Variants in DPYD observed in about 807,000 individuals in gnomAD.
DPYD encodes the protein dihydropyrimidine dehydrogenase [NADP(+)].
DPYD carries 109 observed loss-of-function variants against 116.2 expected under a neutral mutation model. The observed-to-expected ratio is 0.94, with a 90% CI of 0.80 to 1.10. The LOEUF (loss-of-function observed/expected upper bound fraction) is 1.10, where lower values mean the gene tolerates loss of function less well. Among genes scored for constraint, DPYD ranks in the 50% least tolerant of loss-of-function variants. The pLI is 0.00. For missense variants in DPYD, 1,302 were observed against 1,254.5 expected (o/e 1.04, Z -0.57); for synonymous variants, 440 against 432.0 (o/e 1.02, Z -0.23).
chr1:97,565,988 G>T (rs997761497), intron 11 of DPYD, among the ~76,000 whole-genome samples: 1 of 152,124 alleles, frequency 6.6e-6, no homozygotes, highest in Non-Finnish European at 1.5e-5. Flanking sequence ...TAAAATGACT[G>T]TAAAATGACT....
At chr1:97,801,002 G>C (rs1163967715) in intron 3 of DPYD, among the ~76,000 whole-genome samples, 2 of 151,798 alleles carry the variant, frequency 1.3e-5, no homozygotes, top group Non-Finnish European at 2.9e-5. Context: ...TCCTTTCTTT[G>C]CATTCATCCA....
intron 20 of DPYD, among the ~76,000 whole-genome samples, chr1:97,152,980 C>T (rs1471326821): frequency 1.3e-5 from 2 of 152,072 alleles, no homozygotes; most frequent in Non-Finnish European, 1.5e-5. Flanking sequence ...CACTTAAAAA[C>T]ACTAGAGGAG....
chr1:97,681,522 C>T lies in DPYD; in HGVS notation c.763-2340G>A, dbSNP rs532628901. ...GGGACAACCAAGGTGAGATTAATAA[C>T]GAATATTCAGAACTCTGGAATGTAT... On this transcript the variant is annotated intron_variant, in intron 7 of 22. Coordinates refer to ENST00000370192, the MANE Select transcript of DPYD (RefSeq NM_000110.4). Among the ~76,000 whole-genome samples, 7 of 152,026 alleles carry T rather than the reference C, an allele frequency of 4.6e-5. No individual in the cohort carries two copies. The South Asian group carries it at 1.0e-3, about 23-fold the overall frequency.
At position 97,692,936 on chromosome 1, in the gene DPYD, A is replaced by C. The variant is rs185088873; in HGVS notation, c.681-1138T>G. ...CAGCCTTTTCATTGTTTGATGACTT[A>C]AGAACTTGATTATGCAATTAATTTT... On this transcript the variant is annotated intron_variant, in intron 6 of 22. Transcript: ENST00000370192. Among the ~76,000 whole-genome samples the C allele has an allele frequency of 7.9e-5, 12 of 152,276 alleles. No individual in the cohort carries two copies. The East Asian group carries it at 2.1e-3, about 27-fold the overall frequency.
At chr1:97,631,843 G>C (rs191272173) in intron 8 of DPYD, among the ~76,000 whole-genome samples, 1 of 152,078 alleles carries the variant, frequency 6.6e-6, no homozygotes, top group African/African-American at 2.4e-5. Flanking sequence ...ACATTAAACA[G>C]ATGCATAAAA....
chr1:97,113,251 C>T (rs1463087992), intron 20 of DPYD, among the ~76,000 whole-genome samples: 6 of 152,120 alleles, frequency 3.9e-5, no homozygotes, highest in African/African-American at 1.4e-4. Flanking sequence ...CTACAGCGGG[C>T]TCTCTGTTAT....
intron 8 of DPYD, among the ~76,000 whole-genome samples, chr1:97,606,876 A>G (rs1437174356): frequency 6.6e-6 from 1 of 151,952 alleles, no homozygotes; most frequent in Non-Finnish European, 1.5e-5. Flanking sequence ...CTCCACTAAC[A>G]TGGCATTGCA....
chr1:97,816,274 C>T (rs1668599605), intron 3 of DPYD, among the ~76,000 whole-genome samples: 1 of 149,524 alleles, frequency 6.7e-6, no homozygotes, highest in Non-Finnish European at 1.5e-5. Context: ...TCTCCTTTCA[C>T]TCAAAAAAAG....
chr1:97,634,068 C>T (rs889274661), intron 8 of DPYD, among the ~76,000 whole-genome samples: 1 of 151,932 alleles, frequency 6.6e-6, no homozygotes, highest in African/African-American at 2.4e-5. Context: ...CATCCTTATG[C>T]CAAAGTAGAA....
intron 2 of DPYD, among the ~76,000 whole-genome samples, chr1:97,880,037 G>T (rs549895579): frequency 6.3e-4 from 95 of 151,672 alleles, no homozygotes; most frequent in Middle Eastern, 3.4e-3. Flanking sequence ...TCTATATATA[G>T]AGAGAGATAT....
At chr1:97,700,852 C>T (rs543139370) in intron 5 of DPYD, among the ~76,000 whole-genome samples, 2 of 151,420 alleles carry the variant, frequency 1.3e-5, no homozygotes, top group African/African-American at 4.8e-5. Context: ...ATTAAATTTA[C>T]TAAGTACATT....
At chr1:97,360,780 G>A (rs1351332527) in intron 16 of DPYD, among the ~76,000 whole-genome samples, 2 of 152,156 alleles carry the variant, frequency 1.3e-5, no homozygotes, top group Non-Finnish European at 2.9e-5. Context: ...CAACATACCA[G>A]AATCTCTGGG....
intron 20 of DPYD, among the ~76,000 whole-genome samples, chr1:97,132,109 A>C (rs1007139593): frequency 2.0e-5 from 3 of 152,172 alleles, no homozygotes; most frequent in Admixed American, 6.5e-5. Context: ...ACAAACCACA[A>C]ACATATTTTT....
intron 16 of DPYD, among the ~76,000 whole-genome samples, chr1:97,318,410 A>G (rs1668001220): frequency 6.8e-6 from 1 of 147,642 alleles, no homozygotes; most frequent in South Asian, 2.2e-4. Flanking sequence ...TGGAAAAGAA[A>G]AAAAGGCAGG....
At chr1:97,562,752 T>C (rs1652240635) in intron 11 of DPYD, among the ~76,000 whole-genome samples, 3 of 152,170 alleles carry the variant, frequency 2.0e-5, no homozygotes, top group Admixed American at 1.3e-4. Flanking sequence ...GGAGTCTCAC[T>C]CTGTTGCCCA....
chr1:97,537,467 G>A (rs1014160640), intron 12 of DPYD, among the ~76,000 whole-genome samples: 1 of 152,024 alleles, frequency 6.6e-6, no homozygotes, highest in African/African-American at 2.4e-5. Flanking sequence ...ATCAGAAATT[G>A]TTAATAAAAT....
intron 16 of DPYD, among the ~76,000 whole-genome samples, chr1:97,363,047 C>A (rs1169672180): frequency 6.6e-6 from 1 of 152,170 alleles, no homozygotes; most frequent in African/African-American, 2.4e-5. Flanking sequence ...TTTCTGCAAT[C>A]TACCCATCTG....
intron 3 of DPYD, among the ~76,000 whole-genome samples, chr1:97,814,613 A>C (rs1295432727): frequency 1.3e-5 from 2 of 152,152 alleles, no homozygotes; most frequent in East Asian, 1.9e-4. Flanking sequence ...TAGTTCAAAT[A>C]ACTAAAGATG....
intron 13 of DPYD, among the ~76,000 whole-genome samples, chr1:97,475,323 C>T (rs911541451): frequency 3.9e-5 from 6 of 151,936 alleles, no homozygotes; most frequent in Admixed American, 1.3e-4. Flanking sequence ...ATAGATAAAA[C>T]AGAAGAAGTA....
Sources: allele counts gnomAD v4.1 joint callset (sites outside exome capture counted in the v4.1 genomes callset), GRCh38; gene constraint gnomAD v4.1.1; transcripts MANE v1.5; gene names NCBI Gene and HGNC (gene_info 2026-07-23, HGNC 2026-07-21).